The following ABITRAM variants were observed in gnomAD, a reference collection of about 807,000 sequenced individuals.
The protein encoded by ABITRAM is protein Abitram.
A neutral mutation model predicts 22.9 loss-of-function variants in ABITRAM; 19 were observed. The ratio of observed to expected loss-of-function variants is 0.83; its 90% CI spans 0.58 to 1.22. ABITRAM has a LOEUF of 1.22. ABITRAM is among the 50% of genes most tolerant of loss of function. The pLI is 0.00. For missense variants in ABITRAM, 215 were observed against 220.2 expected (o/e 0.98, Z 0.15); for synonymous variants, 70 against 73.9 (o/e 0.95, Z 0.27).
chr9:108,941,721 G>A (rs1830257806), downstream of ABITRAM, among the ~76,000 whole-genome samples: 2 of 152,068 alleles, frequency 1.3e-5, no homozygotes, highest in Admixed American at 1.3e-4. Context: ...ACTGCCATTT[G>A]ATAACTGACA....
At chr9:108,943,630 G>A (rs1208167194), downstream of ABITRAM, 7 of 1,300,078 alleles carry the variant, frequency 5.4e-6, no homozygotes, top group Non-Finnish European at 7.4e-6. Context: ...GGTACTAACA[G>A]TTTATTTGAA....
At chr9:108,950,720 A>C in exon 4 of ABITRAM, 1 of 1,279,600 alleles carries the variant, frequency 7.8e-7, no homozygotes, top group Non-Finnish European at 1.1e-6. Flanking sequence ...GACTTTGCAA[A>C]AATAAATTGA....
At chr9:108,935,924 C>G (rs1830178741) in intron 2 of ABITRAM, 1 of 544,846 alleles carries the variant, frequency 1.8e-6, no homozygotes, top group African/African-American at 1.9e-5. Flanking sequence ...AATGGAGGAC[C>G]ACATCATCAG....
At chr9:108,939,310 G>A in intron 4 of ABITRAM, 38 bp downstream of exon 4, 3 of 1,594,396 alleles carry the variant, frequency 1.9e-6, no homozygotes, top group Non-Finnish European at 2.6e-6. Flanking sequence ...GAGACCAAAG[G>A]GAGGTAATTT....
chr9:108,939,201 A>G lies in ABITRAM; in HGVS notation c.267A>G (p.Ala89=). The change falls in exon 4 of 6, where the codon GCA becomes GCG. Residue 89 remains alanine, a synonymous_variant. Coordinates refer to ENST00000322940, the MANE Select transcript of ABITRAM (RefSeq NM_017832.4). ...TCTTCCGTCTCATTACACAGGGGGCACAGTTTCTAACAGAGCTTGCACCTC... is the reference window on the plus strand; with the variant it reads ...TCTTCCGTCTCATTACACAGGGGGCGCAGTTTCTAACAGAGCTTGCACCTC... ...NKVSGKFKRG[A]QFLTELAPLC... is the part of the protein sequence containing the mutation. 6.2e-7 allele frequency: 1 copy of G among 1,613,644 alleles called. No homozygotes were observed. Among genetic ancestry groups the G allele is most frequent in the South Asian group, 1.1e-5 (1 of 91,044 alleles).
At position 108,939,370 on chromosome 9, in the gene ABITRAM, A is replaced by C; in HGVS notation, c.339-15A>C. 6.3e-7 allele frequency: 1 copy of C among 1,599,558 alleles called. No individual in the cohort carries two copies. Among genetic ancestry groups the C allele is most frequent in the East Asian group, 2.2e-5 (1 of 44,792 alleles). ...AACTAAGTAAACATGCTGAAATCTT[A>C]AATTTTTTTAATAGTTGTGTTAGAG... On this transcript the variant is annotated splice_polypyrimidine_tract_variant and intron_variant, in intron 4 of 5. Coordinates refer to ENST00000322940, the MANE Select transcript of ABITRAM (RefSeq NM_017832.4).
chr9:108,943,797 A>G (rs777963085), downstream of ABITRAM: 2 of 1,613,652 alleles, frequency 1.2e-6, no homozygotes, highest in Non-Finnish European at 1.7e-6. Flanking sequence ...GAGAAGCATA[A>G]GCTTGTCATC....
downstream of ABITRAM, chr9:108,943,814 C>CAA (rs1360182845): frequency 6.2e-7 from 1 of 1,612,788 alleles, no homozygotes; most frequent in South Asian, 1.1e-5. Flanking sequence ...CATCGTCTTT[C>CAA]AGCTGAAATG....
intron 1 of ABITRAM, 110 bp from the exon 2 acceptor site, chr9:108,935,528 C>T: frequency 1.3e-6 from 1 of 799,860 alleles, no homozygotes; most frequent in African/African-American, 1.7e-5. Flanking sequence ...GATCAGCATG[C>T]AGCATGTATG....
intron 2 of ABITRAM, 29 bp downstream of exon 2, chr9:108,935,718 A>G (rs1390745925): frequency 6.3e-7 from 1 of 1,586,110 alleles, no homozygotes; most frequent in Non-Finnish European, 8.7e-7. Flanking sequence ...TTAAATTATC[A>G]AAAATTTTTT....
In ABITRAM at chr9:108,934,527, C is replaced by T; in HGVS notation, c.41C>T (p.Ser14Leu). The T allele has an allele frequency of 1.2e-6, 2 of 1,606,548 alleles. No homozygotes were observed. Among genetic ancestry groups the T allele is most frequent in the Non-Finnish European group, 1.7e-6 (2 of 1,177,482 alleles). Reference protein sequence around the residue: ...EPEAAEPVVPSLVDRYFTRWY... With the variant: ...EPEAAEPVVPLLVDRYFTRWY... ...GAAGCCGCGGAGCCGGTGGTGCCTTCGCTCGTGGATCGATACTTCACTCGC... is the reference window on the plus strand; with the variant it reads ...GAAGCCGCGGAGCCGGTGGTGCCTTTGCTCGTGGATCGATACTTCACTCGC... The change falls in exon 1 of 6, where the codon TCG (serine) becomes TTG (leucine). Residue 14 changes from serine to leucine, a missense_variant. Coordinates refer to ENST00000322940, the MANE Select transcript of ABITRAM (RefSeq NM_017832.4).
At chr9:108,948,180 G>C (rs1222372694) in intron 3 of ABITRAM, 3 of 1,610,400 alleles carry the variant, frequency 1.9e-6, no homozygotes, top group Non-Finnish European at 2.5e-6. Flanking sequence ...CGGAAACAAG[G>C]CATACCTCTA....
At chr9:108,938,845 T>C (rs1488265464) in intron 3 of ABITRAM, among the ~76,000 whole-genome samples, 2 of 152,222 alleles carry the variant, frequency 1.3e-5, no homozygotes, top group Non-Finnish European at 2.9e-5. Flanking sequence ...TACTGTGTCA[T>C]GTTGAATTTT....
At chr9:108,937,879 T>C (rs1051952937) in intron 3 of ABITRAM, among the ~76,000 whole-genome samples, 1 of 150,684 alleles carries the variant, frequency 6.6e-6, no homozygotes, top group African/African-American at 2.5e-5. Flanking sequence ...GTGCCTATAG[T>C]CCCAGTTACC....
At chr9:108,943,984 C>T, downstream of ABITRAM, 1 of 1,613,814 alleles carries the variant, frequency 6.2e-7, no homozygotes, top group Non-Finnish European at 8.5e-7. Flanking sequence ...AGCTTGAACA[C>T]TGGAAGTAAG....
chr9:108,935,922 A>T (rs17729270), intron 2 of ABITRAM: 10,645 of 547,542 alleles, frequency 0.019, 150 homozygotes, highest in Non-Finnish European at 0.025. Flanking sequence ...CAAATGGAGG[A>T]CCACATCATC....
chr9:108,935,736 G>A lies in ABITRAM; in HGVS notation c.131+47G>A, dbSNP rs772419792. 5 of 1,314,720 alleles carry A rather than the reference G, an allele frequency of 3.8e-6. No homozygotes were observed. In the East Asian group the frequency reaches 1.2e-4, roughly 31 times the overall value. 81.4% of individuals were successfully genotyped at this position (1,314,720 alleles called of 1,614,324 possible). A position where few individuals can be genotyped will look rare whatever the true frequency, so the allele number is the denominator to read the frequency against. On this transcript the variant is annotated intron_variant, in intron 2 of 5. Transcript: ENST00000322940. Reference sequence around the variant, plus strand: ...AATTATCAAAAATTTTTTTTTCCTGGTATTGTAGCCTGGTATGGTCTTGTG... The same window carrying A: ...AATTATCAAAAATTTTTTTTTCCTGATATTGTAGCCTGGTATGGTCTTGTG...
At position 108,939,391 on chromosome 9, in the gene ABITRAM, T is replaced by A; in HGVS notation, c.345T>A (p.Val115=). The A allele has an allele frequency of 6.2e-7, 1 of 1,608,766 alleles. No individual in the cohort carries two copies. The highest frequency in any genetic ancestry group is 8.5e-7 in the Non-Finnish European group (1 of 1,178,668). ...TCTTAAATTTTTTTAATAGTTGTGT[T>A]AGAGGACGTTTGATGGAAGTGAATG... ...DGEEYTVSSC[V]RGRLMEVNEN... is the part of the protein sequence containing the mutation. The change falls in exon 5 of 6, where the codon GTT becomes GTA. Residue 115 remains valine (V), a synonymous_variant. Transcript: ENST00000322940.
intron 3 of ABITRAM, among the ~76,000 whole-genome samples, chr9:108,947,185 C>T (rs1039431072): frequency 6.7e-6 from 1 of 149,800 alleles, no homozygotes; most frequent in African/African-American, 2.5e-5. Flanking sequence ...GTGATCTCAG[C>T]TCACTGCAAG....
Sources: gnomAD v4.1 joint callset for allele counts (sites outside exome capture counted in the v4.1 genomes callset) on GRCh38, gnomAD v4.1.1 for gene constraint, MANE v1.5 for transcripts, NCBI Gene and HGNC (gene_info 2026-07-23, HGNC 2026-07-21) for gene names.